TMPRSS11F: variants seen among roughly 807,000 people sequenced by gnomAD.
The protein encoded by TMPRSS11F is transmembrane serine protease 11F, also known as transmembrane protease serine 11F.
A neutral mutation model predicts 60.2 loss-of-function variants in TMPRSS11F; 47 were observed. The observed-to-expected ratio is 0.78, with a 90% CI of 0.62 to 1.00. TMPRSS11F has a LOEUF of 1.00. TMPRSS11F is among the 50% of genes least tolerant of loss of function. The pLI, the probability that TMPRSS11F is intolerant of heterozygous loss-of-function variation, is 0.00. For synonymous variants in TMPRSS11F, 166 were observed against 167.3 expected, an observed-to-expected ratio of 0.99 and a Z score of 0.06; for missense variants, 519 against 522.9, an observed-to-expected ratio of 0.99 and a Z score of 0.07.
chr4:68,107,242 T>C (rs1400178344), intron 1 of TMPRSS11F, among the ~76,000 whole-genome samples: 5 of 152,210 alleles, frequency 3.3e-5, no homozygotes, highest in African/African-American at 1.2e-4. Flanking sequence ...TTCCAGACAC[T>C]AATTTAGTTA....
At chr4:68,068,998 T>G (rs1181557734) in intron 6 of TMPRSS11F, among the ~76,000 whole-genome samples, 179 bp from the exon 7 acceptor site, 1 of 152,186 alleles carries the variant, frequency 6.6e-6, no homozygotes, top group Non-Finnish European at 1.5e-5. Flanking sequence ...AGAAGAAATG[T>G]TTACTAACAT....
chr4:68,065,056 G>A, intron 7 of TMPRSS11F, 112 bp from the exon 8 acceptor site: 2 of 1,133,160 alleles, frequency 1.8e-6, no homozygotes, highest in South Asian at 3.5e-5. Flanking sequence ...CATTCTTTTG[G>A]TGAGAAAGTT....
chr4:68,080,462 T>A (rs1723674910), intron 3 of TMPRSS11F: 1 of 152,250 alleles, frequency 6.6e-6, no homozygotes, highest in Admixed American at 6.5e-5. Context: ...TGATAACAGT[T>A]CACACCTGCA....
At chr4:68,096,223 C>G (rs1724072712) in intron 2 of TMPRSS11F, among the ~76,000 whole-genome samples, 1 of 152,030 alleles carries the variant, frequency 6.6e-6, no homozygotes, top group African/African-American at 2.4e-5. Flanking sequence ...TGCTGTTATA[C>G]TCATTTAATG....
In TMPRSS11F at chr4:68,125,919, G is replaced by A. The variant is rs144987426; in HGVS notation, c.11+3891C>T. On this transcript the variant is annotated intron_variant, in intron 1 of 9. Transcript: ENST00000356291. ...TCAGAAATTTAGCCTTCATTTTCCT[G>A]CAGATAAACAAAAATAGGCAGTAAA... is the stretch of plus-strand genomic sequence containing the variant. Among the ~76,000 whole-genome samples the A allele has an allele frequency of 4.2e-3, 638 of 152,168 alleles. 4 individuals carry two copies. Among genetic ancestry groups the A allele is most frequent in the African/African-American group, 0.015 (606 of 41,520 alleles).
chr4:68,068,531 T>C lies in TMPRSS11F; in HGVS notation c.755+87A>G, dbSNP rs1389243609. The C allele has an allele frequency of 2.6e-6, 3 of 1,141,356 alleles. No homozygotes were observed. In the African/African-American group the frequency reaches 4.6e-5, roughly 17 times the overall value. The allele number at this position is 1,141,356 out of a possible 1,614,324, so 70.7% of individuals were successfully genotyped here. ...ACCCTGAATGGAGCAAAGGTTAAAC[T>C]GGAGAGACTGGACTCTTCTGATGCG... On this transcript the variant is annotated intron_variant, in intron 7 of 9. Coordinates refer to ENST00000356291, the MANE Select transcript of TMPRSS11F (RefSeq NM_207407.2).
rs1002786310 is a variant in TMPRSS11F, at chr4:68,053,818, C to T, written c.*91G>A. The T allele has an allele frequency of 2.8e-5, 37 of 1,331,104 alleles. No homozygotes were observed. The Middle Eastern group carries it at 6.0e-4, about 22-fold the overall frequency. The allele number at this position is 1,331,104 out of a possible 1,614,324, so 82.5% of individuals were successfully genotyped here. ...AGGGCTTCTTGACATCTAGCAAAAG[C>T]ACTAATCCAAAGTAAATGAATTTAA... On this transcript the variant is annotated 3_prime_UTR_variant, in exon 10 of 10. Coordinates refer to ENST00000356291, the MANE Select transcript of TMPRSS11F (RefSeq NM_207407.2).
chr4:68,121,561 G>GTGCTA, intron 1 of TMPRSS11F, among the ~76,000 whole-genome samples: 2 of 152,188 alleles, frequency 1.3e-5, no homozygotes, highest in Admixed American at 1.3e-4. Flanking sequence ...TAAACAGAAT[G>GTGCTA]TGCTATGGTT....
At chr4:68,066,312 T>G (rs1258913432) in intron 7 of TMPRSS11F, among the ~76,000 whole-genome samples, 6 of 152,130 alleles carry the variant, frequency 3.9e-5, no homozygotes, top group Admixed American at 2.6e-4. Flanking sequence ...CTTAAGGAGT[T>G]TACAAATGAA....
At chr4:68,076,130 AAC>A (rs1446483771) in intron 3 of TMPRSS11F, among the ~76,000 whole-genome samples, 1 of 152,242 alleles carries the variant, frequency 6.6e-6, no homozygotes, top group Non-Finnish European at 1.5e-5. Flanking sequence ...CCATTAAAAT[AAC>A]ACAGTTTCTC....
chr4:68,110,832 T>C (rs1352323000), intron 1 of TMPRSS11F, among the ~76,000 whole-genome samples: 1 of 152,190 alleles, frequency 6.6e-6, no homozygotes, highest in East Asian at 1.9e-4. Context: ...GTATGACCAC[T>C]TTATTTTTGT....
intron 1 of TMPRSS11F, among the ~76,000 whole-genome samples, chr4:68,110,465 A>C (rs1385692405): frequency 6.6e-6 from 1 of 152,152 alleles, no homozygotes; most frequent in Non-Finnish European, 1.5e-5. Context: ...GGCAATTAAA[A>C]GGCATAAAGT....
intron 3 of TMPRSS11F, among the ~76,000 whole-genome samples, chr4:68,078,730 C>T (rs1159895880): frequency 6.6e-6 from 1 of 152,136 alleles, no homozygotes; most frequent in African/African-American, 2.4e-5. Context: ...AAGGTGGGAC[C>T]CAGGAGGCCC....
chr4:68,084,450 C>T (rs189486654), intron 3 of TMPRSS11F, among the ~76,000 whole-genome samples: 1 of 152,228 alleles, frequency 6.6e-6, no homozygotes, highest in Admixed American at 6.5e-5. Context: ...TAAGTGGAAC[C>T]TAATCAGGCC....
chr4:68,129,745 T>C, intron 1 of TMPRSS11F, 65 bp downstream of exon 1: 2 of 1,488,704 alleles, frequency 1.3e-6, no homozygotes, highest in Non-Finnish European at 1.9e-6. Flanking sequence ...CTGTACTACC[T>C]GTCTCAGGAA....
At chr4:68,128,157 C>T (rs529821035) in intron 1 of TMPRSS11F, among the ~76,000 whole-genome samples, 3 of 152,132 alleles carry the variant, frequency 2.0e-5, no homozygotes, top group African/African-American at 7.2e-5. Context: ...AGACTAGATC[C>T]CTTGGGCAAA....
At chr4:68,076,839 A>G (rs1467297950) in intron 3 of TMPRSS11F, among the ~76,000 whole-genome samples, 3 of 152,240 alleles carry the variant, frequency 2.0e-5, no homozygotes, top group Non-Finnish European at 2.9e-5. Flanking sequence ...AACAGGCATC[A>G]CTTGGCTCAC....
At chr4:68,100,680 T>C (rs1272305377) in intron 1 of TMPRSS11F, among the ~76,000 whole-genome samples, 1 of 152,096 alleles carries the variant, frequency 6.6e-6, no homozygotes, top group Non-Finnish European at 1.5e-5. Context: ...AAAGAGCAAT[T>C]TGCTGTCCTT....
At chr4:68,091,935 C>G (rs771717815) in intron 2 of TMPRSS11F, among the ~76,000 whole-genome samples, 1 of 151,796 alleles carries the variant, frequency 6.6e-6, no homozygotes, top group African/African-American at 2.4e-5. Context: ...TACAGGGGGA[C>G]GCCACTACAC....
Sources: allele counts gnomAD v4.1 joint callset (sites outside exome capture counted in the v4.1 genomes callset), GRCh38; gene constraint gnomAD v4.1.1; transcripts MANE v1.5; gene names NCBI Gene and HGNC (gene_info 2026-07-23, HGNC 2026-07-21).